Variants in GRIN2A observed in about 807,000 individuals in gnomAD.
GRIN2A encodes the protein glutamate receptor ionotropic, NMDA 2A.
Under a neutral mutation model 113.4 loss-of-function variants are expected in GRIN2A, and 22 were observed. The observed-to-expected ratio is 0.19, with a 90% CI of 0.14 to 0.28. The LOEUF is 0.28. Among genes scored for constraint, GRIN2A ranks in the 10% least tolerant of loss-of-function variants. The probability of loss-of-function intolerance (pLI) is 1.00; values close to 1 mark genes in which losing one functional copy is unlikely to be tolerated. For missense variants in GRIN2A, 1,502 were observed against 1,887.0 expected, an observed-to-expected ratio of 0.80 and a Z score of 3.78; for synonymous variants, 827 against 738.4, an observed-to-expected ratio of 1.12 and a Z score of -1.94.
At chr16:10,059,641 A>G (rs1179201563) in intron 2 of GRIN2A, among the ~76,000 whole-genome samples, 1 of 151,914 alleles carries the variant, frequency 6.6e-6, no homozygotes, top group Non-Finnish European at 1.5e-5. Context: ...CTTAAACAAC[A>G]GAGGAAGGAC....
chr16:9,824,584 C>T (rs2042351890), intron 9 of GRIN2A, among the ~76,000 whole-genome samples: 1 of 152,194 alleles, frequency 6.6e-6, no homozygotes, highest in African/African-American at 2.4e-5. Flanking sequence ...TTCCGTGCTT[C>T]TCTGGCCTGG....
rs756499758 is a variant in GRIN2A at position 9,938,140 on chromosome 16, G to A, written c.826C>T (p.Leu276Phe). The A allele has an allele frequency of 1.2e-6, 2 of 1,614,126 alleles. No individual in the cohort carries two copies. The highest frequency in any genetic ancestry group is 2.2e-5 in the South Asian group (2 of 91,076). ...ELIPKEFPSG[L>F]ISVSYDDWDY... ...CAGTCATCGTAGGAGACAGAAATGAGTCCCGATGGAAACTCTTTTGGGATG... is the reference window on the plus strand; with the variant it reads ...CAGTCATCGTAGGAGACAGAAATGAATCCCGATGGAAACTCTTTTGGGATG... Residue 276 changes from leucine to phenylalanine, a missense_variant, in exon 3 of 13, where the codon CTC (leucine) becomes TTC (phenylalanine). By Grantham distance (22) the Leu-to-Phe change is conservative. Coordinates refer to ENST00000330684, the MANE Select transcript of GRIN2A (RefSeq NM_001134407.3).
chr16:10,010,411 C>A (rs935213782), intron 2 of GRIN2A, among the ~76,000 whole-genome samples: 1 of 152,072 alleles, frequency 6.6e-6, no homozygotes, highest in African/African-American at 2.4e-5. Flanking sequence ...TACTACAAAC[C>A]CTTGGGATAT....
At chr16:9,831,432 TG>T (rs1479465646) in intron 8 of GRIN2A, among the ~76,000 whole-genome samples, 7 of 151,858 alleles carry the variant, frequency 4.6e-5, no homozygotes, top group Non-Finnish European at 1.0e-4. Context: ...ACACACTATC[TG>T]GATAGAGTAG....
chr16:10,001,694 A>T (rs916926278), intron 2 of GRIN2A, among the ~76,000 whole-genome samples: 1 of 152,224 alleles, frequency 6.6e-6, no homozygotes, highest in Non-Finnish European at 1.5e-5. Context: ...CACCATGGCC[A>T]GTGAATCAGA....
intron 2 of GRIN2A, among the ~76,000 whole-genome samples, chr16:10,064,152 T>G (rs1457391460): frequency 2.6e-5 from 4 of 152,200 alleles, no homozygotes; most frequent in Non-Finnish European, 5.9e-5. Context: ...CTGACTTTGT[T>G]GGTGAGTGTT....
At chr16:10,002,854 G>A (rs917941703) in intron 2 of GRIN2A, among the ~76,000 whole-genome samples, 11 of 152,286 alleles carry the variant, frequency 7.2e-5, no homozygotes, top group Non-Finnish European at 1.3e-4. Context: ...ATTTGTGAAC[G>A]AGAGTCACCC....
At chr16:10,029,992 G>C (rs1399993574) in intron 2 of GRIN2A, among the ~76,000 whole-genome samples, 1 of 151,786 alleles carries the variant, frequency 6.6e-6, no homozygotes, top group African/African-American at 2.4e-5. Flanking sequence ...GTGAGACTCT[G>C]TCTCCAAAAA....
intron 3 of GRIN2A, among the ~76,000 whole-genome samples, chr16:9,910,934 G>A (rs2044122500): frequency 6.6e-6 from 1 of 151,756 alleles, no homozygotes; most frequent in Non-Finnish European, 1.5e-5. Context: ...TGCTTCCATG[G>A]AGTAAAGACC....
At chr16:10,171,219 C>T (rs1184176942) in intron 2 of GRIN2A, among the ~76,000 whole-genome samples, 1 of 152,208 alleles carries the variant, frequency 6.6e-6, no homozygotes, top group Non-Finnish European at 1.5e-5. Flanking sequence ...CTAGTTACAG[C>T]TTTGAACAAT....
At chr16:10,032,228 A>G (rs1343855034) in intron 2 of GRIN2A, among the ~76,000 whole-genome samples, 1 of 152,190 alleles carries the variant, frequency 6.6e-6, no homozygotes, top group East Asian at 1.9e-4. Flanking sequence ...CCTTCAAACA[A>G]GCTACTTCAA....
In GRIN2A at chr16:9,898,054, C is replaced by CTTTTTTTTTT. The variant is rs71402414; in HGVS notation, c.1008-6964_1008-6955dup. ...TTAAAATCTACTGAGCCTCCATTTC[C>CTTTTTTTTTT]TTTTTTTTTTTTTTTTTTTTTGCAA... On this transcript the variant is annotated intron_variant, in intron 3 of 12. Transcript: ENST00000330684. Among the ~76,000 whole-genome samples, 3 of 109,720 alleles carry CTTTTTTTTTT rather than the reference C, an allele frequency of 2.7e-5. 1 individual carries two copies. The highest frequency in any genetic ancestry group is 1.8e-5 in the Non-Finnish European group (1 of 56,738). The allele number at this position is 109,720 out of a possible 152,430, so 72.0% of individuals were successfully genotyped here.
intron 2 of GRIN2A, among the ~76,000 whole-genome samples, chr16:10,146,951 C>T (rs1429329501): frequency 6.6e-6 from 1 of 152,090 alleles, no homozygotes; most frequent in Non-Finnish European, 1.5e-5. Flanking sequence ...CTCTCCAGTG[C>T]AATTGGAAAT....
intron 2 of GRIN2A, among the ~76,000 whole-genome samples, chr16:9,990,208 A>G (rs114802766): frequency 0.013 from 2,049 of 152,324 alleles, 48 homozygotes; most frequent in African/African-American, 0.047. Flanking sequence ...GCCATAAAAA[A>G]GAGTGAAATC....
At chr16:10,111,541 G>C (rs541452145) in intron 2 of GRIN2A, 1 of 775,082 alleles carries the variant, frequency 1.3e-6, no homozygotes, top group African/African-American at 1.7e-5. Flanking sequence ...CCTAACTTCA[G>C]CCCTGACCCG....
intron 2 of GRIN2A, among the ~76,000 whole-genome samples, chr16:9,971,601 C>T (rs561173235): frequency 2.6e-5 from 4 of 152,122 alleles, no homozygotes; most frequent in East Asian, 1.9e-4. Flanking sequence ...CTGCCAATGT[C>T]GGGTAAGAAA....
At chr16:10,046,061 T>A (rs999005024) in intron 2 of GRIN2A, among the ~76,000 whole-genome samples, 8 of 151,886 alleles carry the variant, frequency 5.3e-5, no homozygotes, top group Admixed American at 1.3e-4. Context: ...GACAAAATTG[T>A]CCCCAGTTGA....
intron 2 of GRIN2A, among the ~76,000 whole-genome samples, chr16:9,988,127 G>T (rs1301916619): frequency 1.3e-5 from 2 of 152,048 alleles, no homozygotes; most frequent in African/African-American, 4.8e-5. Context: ...CGCAATAGAA[G>T]AATACCAGAT....
At chr16:10,115,061 C>T (rs2048703574) in intron 2 of GRIN2A, among the ~76,000 whole-genome samples, 2 of 152,238 alleles carry the variant, frequency 1.3e-5, no homozygotes, top group Non-Finnish European at 2.9e-5. Context: ...TTTGAGTTTG[C>T]AGCCCTTGCT....
Sources: gnomAD v4.1 joint callset for allele counts (sites outside exome capture counted in the v4.1 genomes callset) on GRCh38, gnomAD v4.1.1 for gene constraint, MANE v1.5 for transcripts, NCBI Gene and HGNC (gene_info 2026-07-23, HGNC 2026-07-21) for gene names.